Variants in CTNNA2 observed in about 807,000 individuals in gnomAD.
CTNNA2 encodes the protein catenin alpha-2.
In CTNNA2, 42 loss-of-function variants were observed where a neutral mutation model predicts 101.0. That is an observed-to-expected ratio of 0.42 (90% CI 0.32 to 0.54). The LOEUF is 0.54. Ranked by LOEUF, CTNNA2 falls within the 20% of genes least tolerant of loss-of-function variation. The pLI is 0.14. For synonymous variants in CTNNA2, 450 were observed against 456.4 expected, an observed-to-expected ratio of 0.99 and a Z score of 0.18; for missense variants, 871 against 1,223.1, an observed-to-expected ratio of 0.71 and a Z score of 4.29.
chr2:80,143,931 G>T (rs1368244721), intron 7 of CTNNA2, among the ~76,000 whole-genome samples: 1 of 152,122 alleles, frequency 6.6e-6, no homozygotes, highest in Admixed American at 6.6e-5. Flanking sequence ...GGTACTTAAA[G>T]CAGTCACATC....
intron 7 of CTNNA2, among the ~76,000 whole-genome samples, chr2:80,317,119 T>C (rs893799086): frequency 2.6e-5 from 4 of 152,068 alleles, no homozygotes; most frequent in African/African-American, 9.7e-5. Context: ...CCAGACCTGG[T>C]CCAAGAGACT....
chr2:80,422,419 T>A (rs1680611101), intron 9 of CTNNA2, among the ~76,000 whole-genome samples: 1 of 138,696 alleles, frequency 7.2e-6, no homozygotes, highest in Admixed American at 7.9e-5. Flanking sequence ...GTATTTCTTC[T>A]TTCCCAATAC....
At chr2:79,746,627 T>C (rs1351932620) in intron 3 of CTNNA2, among the ~76,000 whole-genome samples, 1 of 152,198 alleles carries the variant, frequency 6.6e-6, no homozygotes, top group African/African-American at 2.4e-5. Flanking sequence ...ACCTCCTATA[T>C]ATCTGTTTAA....
intron 2 of CTNNA2, among the ~76,000 whole-genome samples, chr2:79,698,712 G>A (rs1016794932): frequency 1.3e-5 from 2 of 152,040 alleles, no homozygotes; most frequent in Non-Finnish European, 2.9e-5. Context: ...ATACCAAAAG[G>A]GAATGTGTGT....
At chr2:79,595,096 C>G (rs1362317640) in intron 1 of CTNNA2, among the ~76,000 whole-genome samples, 1 of 152,126 alleles carries the variant, frequency 6.6e-6, no homozygotes, top group African/African-American at 2.4e-5. Flanking sequence ...CACTCGGACT[C>G]TCTTCTGGAT....
At chr2:79,517,647 T>C (rs1206109184) in intron 1 of CTNNA2, among the ~76,000 whole-genome samples, 3 of 152,162 alleles carry the variant, frequency 2.0e-5, no homozygotes, top group Admixed American at 1.3e-4. Context: ...TACCAGAGAT[T>C]TTTGACATTT....
chr2:79,752,650 A>G (rs758515604), intron 3 of CTNNA2, among the ~76,000 whole-genome samples: 3 of 152,152 alleles, frequency 2.0e-5, no homozygotes, highest in African/African-American at 4.8e-5. Context: ...CCCCTTTGTT[A>G]TTATTTTGTG....
intron 7 of CTNNA2, among the ~76,000 whole-genome samples, chr2:80,134,423 A>G (rs1702578707): frequency 6.6e-6 from 1 of 152,186 alleles, no homozygotes; most frequent in Admixed American, 6.5e-5. Flanking sequence ...TGATCACCAT[A>G]ATGGATATGC....
At chr2:79,409,749 G>A (rs2104489651) in intron 4 of CTNNA2, among the ~76,000 whole-genome samples, 1 of 148,274 alleles carries the variant, frequency 6.7e-6, no homozygotes, top group South Asian at 2.3e-4. Flanking sequence ...CTCCAGCTTT[G>A]TTCTTTTGGC....
chr2:80,559,095 A>T (rs1693321322), intron 12 of CTNNA2, among the ~76,000 whole-genome samples: 1 of 152,140 alleles, frequency 6.6e-6, no homozygotes, highest in African/African-American at 2.4e-5. Context: ...ACATTGCCAG[A>T]TATCCTTGAA....
At chr2:80,198,956 G>A (rs896760632) in intron 7 of CTNNA2, among the ~76,000 whole-genome samples, 6 of 151,920 alleles carry the variant, frequency 3.9e-5, no homozygotes, top group African/African-American at 1.5e-4. Context: ...GCCAAGGCGG[G>A]CATATCACGA....
chr2:79,260,861 AG>A (rs1321950429), intron 2 of CTNNA2, among the ~76,000 whole-genome samples: 7 of 152,184 alleles, frequency 4.6e-5, no homozygotes, highest in Admixed American at 3.9e-4. Context: ...AGCCAAATCC[AG>A]GAAGAAGGGG....
chr2:80,502,862 A>G (rs1371745242), intron 9 of CTNNA2, among the ~76,000 whole-genome samples: 1 of 152,166 alleles, frequency 6.6e-6, no homozygotes, highest in East Asian at 1.9e-4. Flanking sequence ...GCTTCTTTCA[A>G]ATCAAGAGAT....
chr2:79,332,060 G>T (rs191039290), intron 3 of CTNNA2, among the ~76,000 whole-genome samples: 3 of 152,184 alleles, frequency 2.0e-5, no homozygotes, highest in Non-Finnish European at 4.4e-5. Context: ...GGCAAAATTA[G>T]TACTTAACAT....
chr2:80,460,145 C>G (rs1352747109), intron 9 of CTNNA2, among the ~76,000 whole-genome samples: 3 of 152,152 alleles, frequency 2.0e-5, no homozygotes, highest in South Asian at 2.1e-4. Context: ...TAGTTTACTT[C>G]TTTATATTTT....
At chr2:79,571,615 C>T (rs573742072) in intron 1 of CTNNA2, among the ~76,000 whole-genome samples, 1 of 152,102 alleles carries the variant, frequency 6.6e-6, no homozygotes, top group African/African-American at 2.4e-5. Flanking sequence ...CACACTTTAA[C>T]TAAAATTCCA....
At chr2:79,636,241 G>A (rs1303071853) in intron 1 of CTNNA2, among the ~76,000 whole-genome samples, 9 of 127,774 alleles carry the variant, frequency 7.0e-5, no homozygotes, top group Non-Finnish European at 1.3e-4. Context: ...CTGCACTCCA[G>A]CCTGGGCAAC....
intron 2 of CTNNA2, among the ~76,000 whole-genome samples, chr2:79,663,534 A>T (rs552697230): frequency 5.3e-5 from 8 of 152,260 alleles, no homozygotes; most frequent in African/African-American, 1.9e-4. Context: ...CTCTCTCTGC[A>T]TGGGCGGATG....
At chr2:79,660,197 C>T (rs914678545) in intron 2 of CTNNA2, among the ~76,000 whole-genome samples, 19 of 149,498 alleles carry the variant, frequency 1.3e-4, no homozygotes, top group African/African-American at 4.7e-4. Context: ...AATACAAATA[C>T]TATGTATATA....
Sources: allele counts gnomAD v4.1 joint callset (sites outside exome capture counted in the v4.1 genomes callset), GRCh38; gene constraint gnomAD v4.1.1; transcripts MANE v1.5; gene names NCBI Gene and HGNC (gene_info 2026-07-23, HGNC 2026-07-21).